The following AFG2B variants were observed in gnomAD, a reference collection of about 807,000 sequenced individuals.
The protein encoded by AFG2B is ATPase family gene 2 protein homolog B.
chr15:45,402,693 G>A, the AFG2B span: 127 of 1,571,060 alleles, frequency 8.1e-5, no homozygotes, highest in East Asian at 2.8e-3. Context: ...TCGGGGCGTC[G>A]AGATCCCGGA....
At chr15:45,403,154 C>A in the AFG2B span, 10 of 1,457,120 alleles carry the variant, frequency 6.9e-6, no homozygotes, top group African/African-American at 1.5e-5. Flanking sequence ...CTGGCGGGGC[C>A]CCCCGGAGTG....
chr15:45,421,024 A>G, the AFG2B span: 7 of 1,600,204 alleles, frequency 4.4e-6, no homozygotes, highest in Non-Finnish European at 6.0e-6. Context: ...ATTGTTTTCT[A>G]TTGCTTGTCT....
chr15:45,407,139 A>G, the AFG2B span: 1 of 1,287,678 alleles, frequency 7.8e-7, no homozygotes, highest in Non-Finnish European at 1.0e-6. Flanking sequence ...TGTAGTTACC[A>G]CAGGTGATGG....
chr15:45,413,838 G>A, the AFG2B span, among the ~76,000 whole-genome samples: 3 of 152,084 alleles, frequency 2.0e-5, no homozygotes, highest in African/African-American at 7.2e-5. Context: ...TAAGACCTAG[G>A]CAAATTACTT....
the AFG2B span, chr15:45,414,597 T>C: frequency 6.8e-6 from 11 of 1,614,122 alleles, no homozygotes; most frequent in Non-Finnish European, 9.3e-6. Context: ...TGAAATTCCC[T>C]TGGGAATTTG....
chr15:45,403,150 G>A, the AFG2B span: 1 of 1,457,920 alleles, frequency 6.9e-7, no homozygotes, highest in Non-Finnish European at 9.0e-7. Context: ...GCTCCTGGCG[G>A]GGCCCCCCGG....
the AFG2B span, among the ~76,000 whole-genome samples, chr15:45,420,475 T>A: frequency 6.6e-6 from 1 of 152,178 alleles, no homozygotes; most frequent in Non-Finnish European, 1.5e-5. Context: ...TACATATGGG[T>A]TCATAAAATA....
At chr15:45,405,649 C>T in the AFG2B span, 1 of 762,814 alleles carries the variant, frequency 1.3e-6, no homozygotes, top group South Asian at 1.9e-5. Context: ...TACATCTCAA[C>T]TCTATATAAA....
At chr15:45,420,420 C>A in the AFG2B span, among the ~76,000 whole-genome samples, 1 of 152,250 alleles carries the variant, frequency 6.6e-6, no homozygotes, top group South Asian at 2.1e-4. Flanking sequence ...GCTGAAGACT[C>A]TTCCCTACTT....
At chr15:45,402,817 G>T in the AFG2B span, 1 of 1,596,938 alleles carries the variant, frequency 6.3e-7, no homozygotes, top group Non-Finnish European at 8.5e-7. Context: ...GAATACAGCC[G>T]CGGTGCTGGA....
At chr15:45,403,089 C>T in the AFG2B span, 2 of 1,524,864 alleles carry the variant, frequency 1.3e-6, no homozygotes, top group Non-Finnish European at 1.8e-6. Context: ...GCCTCCCGCT[C>T]CGCTACCCGC....
At chr15:45,412,783 A>T in the AFG2B span, among the ~76,000 whole-genome samples, 1 of 152,218 alleles carries the variant, frequency 6.6e-6, no homozygotes. Context: ...GAAATGAACA[A>T]TATGGCTACC....
chr15:45,408,116 A>G, the AFG2B span, among the ~76,000 whole-genome samples: 3 of 152,338 alleles, frequency 2.0e-5, no homozygotes, highest in African/African-American at 7.2e-5. Context: ...TCCAAGAGAA[A>G]ATGGGTAATG....
the AFG2B span, chr15:45,402,418 C>A: frequency 1.3e-6 from 2 of 1,592,764 alleles, no homozygotes; most frequent in South Asian, 1.1e-5. Flanking sequence ...CTGCCTGGTT[C>A]ATCTGTGTGC....
At chr15:45,421,278 C>T in the AFG2B span, 2 of 1,100,444 alleles carry the variant, frequency 1.8e-6, no homozygotes, top group Non-Finnish European at 2.5e-6. Context: ...TTTGCAACTT[C>T]ACACTTTTAG....
the AFG2B span, among the ~76,000 whole-genome samples, chr15:45,406,633 T>G: frequency 6.6e-6 from 1 of 152,202 alleles, no homozygotes; most frequent in Non-Finnish European, 1.5e-5. Flanking sequence ...TAGTCCTGAA[T>G]CCTTAAACCC....
chr15:45,421,347 T>C, the AFG2B span: 3 of 570,172 alleles, frequency 5.3e-6, no homozygotes, highest in Non-Finnish European at 8.5e-6. Context: ...CAAAAAAAAC[T>C]TGTGCCTGAT....
chr15:45,407,883 A>G, the AFG2B span, among the ~76,000 whole-genome samples: 2 of 152,364 alleles, frequency 1.3e-5, no homozygotes, highest in African/African-American at 2.4e-5. Flanking sequence ...AGAATGATCA[A>G]GGAGAATGTA....
the AFG2B span, among the ~76,000 whole-genome samples, chr15:45,405,105 C>A: frequency 1.3e-5 from 2 of 151,968 alleles, no homozygotes; most frequent in African/African-American, 4.8e-5. Context: ...CTATAGTCAC[C>A]CTACTACACT....
Sources: gnomAD v4.1 joint callset for allele counts (sites outside exome capture counted in the v4.1 genomes callset) on GRCh38, gnomAD v4.1.1 for gene constraint, MANE v1.5 for transcripts, NCBI Gene and HGNC (gene_info 2026-07-23, HGNC 2026-07-21) for gene names.